The following DNAH7 variants were observed in gnomAD, a reference collection of about 807,000 sequenced individuals.
The protein encoded by DNAH7 is axonemal beta dynein heavy chain 7.
Under a neutral mutation model 444.6 loss-of-function variants are expected in DNAH7, and 397 were observed. That is an observed-to-expected ratio of 0.89 (90% CI 0.82 to 0.97). The LOEUF (loss-of-function observed/expected upper bound fraction) is 0.97. DNAH7 is among the 50% of genes least tolerant of loss of function. The pLI is 0.00. For synonymous variants in DNAH7, 1,636 were observed against 1,624.4 expected (o/e 1.01, Z -0.17); for missense variants, 4,902 against 4,800.8 (o/e 1.02, Z -0.62).
At chr2:195,852,913 C>CAGAGAG (rs909240212) in intron 46 of DNAH7, among the ~76,000 whole-genome samples, 162 of 134,698 alleles carry the variant, frequency 1.2e-3, no homozygotes, top group African/African-American at 4.4e-3. Context: ...CACACACACA[C>CAGAGAG]ACAGAGAGAG....
intron 9 of DNAH7, among the ~76,000 whole-genome samples, chr2:196,014,897 C>T (rs1429908524): frequency 6.6e-6 from 1 of 152,040 alleles, no homozygotes; most frequent in Non-Finnish European, 1.5e-5. Flanking sequence ...ATTAACACAT[C>T]GAGATTTTTC....
chr2:195,883,353 C>T (rs576322904), intron 35 of DNAH7, among the ~76,000 whole-genome samples: 3 of 151,902 alleles, frequency 2.0e-5, no homozygotes, highest in Non-Finnish European at 2.9e-5. Flanking sequence ...GAGGCTGAGG[C>T]AGGAGAATGG....
In DNAH7 at chr2:195,907,016, G is replaced by C. The variant is rs776277841; in HGVS notation, c.4105-7C>G. The C allele has an allele frequency of 2.1e-5, 33 of 1,600,522 alleles. No homozygotes were observed. Among genetic ancestry groups the C allele is most frequent in the Non-Finnish European group, 2.8e-5 (33 of 1,174,346 alleles). ...CTCCACAAGATAACAGTCCCTATGA[G>C]AAAAGAGTAATGAAAATTTTTGACT... On this transcript the variant is annotated splice_polypyrimidine_tract_variant and splice_region_variant and intron_variant, in intron 25 of 64. Transcript: ENST00000312428.
rs145617769 is a variant in DNAH7 at position 195,954,409 on chromosome 2, T to C, written c.3078+2852A>G. ...TCCATTGTGTATATGTGCCACATTT[T>C]CTTTACCCAGTCTATCACTGATGGA... On this transcript the variant is annotated intron_variant, in intron 19 of 64. Transcript: ENST00000312428. Among the ~76,000 whole-genome samples the C allele has an allele frequency of 0.019, 2,967 of 152,356 alleles. 248 individuals carry two copies. The East Asian group carries it at 0.27, about 14-fold the overall frequency.
intron 12 of DNAH7, among the ~76,000 whole-genome samples, chr2:195,990,595 G>T (rs1357970201): frequency 6.6e-6 from 1 of 151,848 alleles, no homozygotes; most frequent in Non-Finnish European, 1.5e-5. Flanking sequence ...GGAGGTCAAG[G>T]CTGCAGCGAG....
chr2:196,060,336 ACT>A (rs1401720688), intron 1 of DNAH7, among the ~76,000 whole-genome samples: 2 of 151,834 alleles, frequency 1.3e-5, no homozygotes, highest in African/African-American at 2.4e-5. Context: ...TATCCCCCAA[ACT>A]CTCTTTTCCA....
intron 36 of DNAH7, 123 bp downstream of exon 36, chr2:195,881,672 A>T: frequency 1.9e-6 from 2 of 1,037,926 alleles, no homozygotes; most frequent in Non-Finnish European, 2.7e-6. Context: ...ATTTTTCAAA[A>T]ATTCTCTGCA....
intron 49 of DNAH7, among the ~76,000 whole-genome samples, chr2:195,822,058 A>G (rs1241826661): frequency 6.6e-6 from 1 of 152,206 alleles, no homozygotes; most frequent in Non-Finnish European, 1.5e-5. Flanking sequence ...CTAACTATAG[A>G]CTACATAGAT....
At chr2:195,741,812 G>C (rs536676159) in intron 63 of DNAH7, among the ~76,000 whole-genome samples, 6 of 152,178 alleles carry the variant, frequency 3.9e-5, no homozygotes, top group Non-Finnish European at 8.8e-5. Flanking sequence ...TGCAGTGATG[G>C]AAATGTTCTA....
intron 15 of DNAH7, 93 bp downstream of exon 15, chr2:195,984,537 ATC>A (rs1692781727): frequency 1.6e-6 from 2 of 1,214,830 alleles, no homozygotes; most frequent in African/African-American, 3.0e-5. Context: ...ATTATTTTTA[ATC>A]TGTCTTAACT....
chr2:195,738,384 G>A (rs534623283), intron 64 of DNAH7, among the ~76,000 whole-genome samples: 1 of 151,464 alleles, frequency 6.6e-6, no homozygotes, highest in Non-Finnish European at 1.5e-5. Context: ...ACAATTACCT[G>A]GGAAATGACT....
chr2:195,900,852 C>T (rs1346115556), intron 27 of DNAH7: 1 of 180,514 alleles, frequency 5.5e-6, no homozygotes, highest in Non-Finnish European at 1.2e-5. Context: ...GATAGATACA[C>T]TATACCCTGA....
At position 195,824,207 on chromosome 2, in the gene DNAH7, T is replaced by G. The variant is rs1187597652; in HGVS notation, c.9291+48A>C. Reference sequence around the variant, plus strand: ...CTTATGACTCAGGAGGAATATATAGTCACTAATTACAAAATCTGATAAAGA... The same window carrying G: ...CTTATGACTCAGGAGGAATATATAGGCACTAATTACAAAATCTGATAAAGA... On this transcript the variant is annotated intron_variant, in intron 49 of 64. Coordinates refer to ENST00000312428, the MANE Select transcript of DNAH7 (RefSeq NM_018897.3). The G allele has an allele frequency of 2.0e-6, 3 of 1,522,666 alleles. No individual in the cohort carries two copies. In the South Asian group the frequency reaches 3.8e-5, roughly 19 times the overall value. 94.3% of individuals were successfully genotyped at this position (1,522,666 alleles called of 1,614,324 possible).
At chr2:195,886,649 T>TA in intron 33 of DNAH7, among the ~76,000 whole-genome samples, 1 of 152,290 alleles carries the variant, frequency 6.6e-6, no homozygotes, top group African/African-American at 2.4e-5. Flanking sequence ...AGCATATGTA[T>TA]AAGCCACAGC....
At chr2:195,926,671 C>CA in intron 21 of DNAH7, 105 bp from the exon 22 acceptor site, 1 of 992,454 alleles carries the variant, frequency 1.0e-6, no homozygotes, top group East Asian at 2.9e-5. Flanking sequence ...TTTTTTACAA[C>CA]ATTCTTAGAC....
intron 20 of DNAH7, 42 bp from the exon 21 acceptor site, chr2:195,934,831 A>T (rs772066036): frequency 2.4e-5 from 38 of 1,594,294 alleles, no homozygotes; most frequent in Admixed American, 6.8e-5. Context: ...CCAAGTTAAA[A>T]CAATTCTTTA....
At chr2:195,880,495 C>G (rs978656670) in intron 36 of DNAH7, among the ~76,000 whole-genome samples, 14 of 151,136 alleles carry the variant, frequency 9.3e-5, no homozygotes, top group African/African-American at 3.4e-4. Context: ...CACCCGGCTA[C>G]TTTTTTTGTT....
intron 33 of DNAH7, among the ~76,000 whole-genome samples, chr2:195,887,832 C>T (rs1372272901): frequency 6.6e-5 from 10 of 151,670 alleles, no homozygotes; most frequent in Middle Eastern, 3.4e-3. Context: ...CCCCTCCCTC[C>T]TCTTCCCCTC....
intron 47 of DNAH7, among the ~76,000 whole-genome samples, chr2:195,839,541 C>CA (rs1559134673): frequency 6.6e-6 from 1 of 151,066 alleles, no homozygotes; most frequent in African/African-American, 2.4e-5. Context: ...TTATTGAAAA[C>CA]AAAAAAAGAA....
Sources: allele counts gnomAD v4.1 joint callset (sites outside exome capture counted in the v4.1 genomes callset), GRCh38; gene constraint gnomAD v4.1.1; transcripts MANE v1.5; gene names NCBI Gene and HGNC (gene_info 2026-07-23, HGNC 2026-07-21).